The following KANK1 variants were observed in gnomAD, a reference collection of about 807,000 sequenced individuals.
KANK1 encodes the protein KN motif and ankyrin repeat domains 1, also known as KN motif and ankyrin repeat domain-containing protein 1.
In KANK1, 109 loss-of-function variants were observed where a neutral mutation model predicts 106.2. The ratio of observed to expected loss-of-function variants is 1.03; its 90% CI spans 0.88 to 1.20. The LOEUF (loss-of-function observed/expected upper bound fraction) is 1.20, where lower values mean the gene tolerates loss of function less well. Among genes scored for constraint, KANK1 ranks in the 50% most tolerant of loss-of-function variants. The pLI is 0.00. For missense variants in KANK1, 2,399 were observed against 1,710.7 expected (o/e 1.40, Z -7.10); for synonymous variants, 873 against 652.2 (o/e 1.34, Z -5.16).
chr9:609,677 T>C lies in KANK1; in HGVS notation c.-83-67213T>C, dbSNP rs542113037. Among the ~76,000 whole-genome samples the C allele has an allele frequency of 5.3e-5, 8 of 152,260 alleles. No homozygotes were observed. In the South Asian group the frequency reaches 1.7e-3, roughly 32 times the overall value. On this transcript the variant is annotated intron_variant, in intron 1 of 11. Coordinates refer to ENST00000382297, the MANE Select transcript of KANK1 (RefSeq NM_015158.5). ...AAATAATGAATAGACTCAATAGACA[T>C]TGATCCTGCTAACATATTTTGCCTT...
chr9:735,416 A>G (rs927390133), intron 7 of KANK1, among the ~76,000 whole-genome samples: 1 of 152,218 alleles, frequency 6.6e-6, no homozygotes, highest in Non-Finnish European at 1.5e-5. Flanking sequence ...ATGGTACAAC[A>G]TAGGACACAA....
At chr9:536,680 A>T (rs1194246204) in intron 1 of KANK1, among the ~76,000 whole-genome samples, 1 of 152,240 alleles carries the variant, frequency 6.6e-6, no homozygotes, top group African/African-American at 2.4e-5. Context: ...GTCCATCTAG[A>T]TAATCCAGGA....
At chr9:522,388 C>T (rs961562042) in intron 1 of KANK1, among the ~76,000 whole-genome samples, 1 of 151,704 alleles carries the variant, frequency 6.6e-6, no homozygotes, top group African/African-American at 2.4e-5. Flanking sequence ...CACATACACA[C>T]AGCTGGATAG....
At position 578,220 on chromosome 9, in the gene KANK1, T is replaced by C. The variant is rs184465726; in HGVS notation, c.-84+73466T>C. Among the ~76,000 whole-genome samples the C allele has an allele frequency of 2.7e-3, 409 of 152,310 alleles. 10 individuals carry two copies. Among genetic ancestry groups the C allele is most frequent in the Non-Finnish European group, 5.7e-4 (39 of 68,032 alleles). On this transcript the variant is annotated intron_variant, in intron 1 of 11. Coordinates refer to ENST00000382297, the MANE Select transcript of KANK1 (RefSeq NM_015158.5). ...AATCAGTAAAAGCATTCACCTTTTG[T>C]TTTATTTGCTTCAAACAAAGTAGGA...
intron 10 of KANK1, among the ~76,000 whole-genome samples, chr9:743,619 C>G (rs1301909438): frequency 6.6e-6 from 1 of 152,106 alleles, no homozygotes; most frequent in Non-Finnish European, 1.5e-5. Context: ...AATTCCAGCA[C>G]CTTGGGAGGC....
intron 4 of KANK1, chr9:730,517 C>A: frequency 2.4e-6 from 1 of 409,970 alleles, no homozygotes; most frequent in Non-Finnish European, 4.6e-6. Flanking sequence ...CATGGTGAAA[C>A]CCCATCTCTA....
rs75538310 is a variant in KANK1 at position 741,243 on chromosome 9, C to A, written c.3696+309C>A. On this transcript the variant is annotated intron_variant, in intron 9 of 11. Coordinates refer to ENST00000382297, the MANE Select transcript of KANK1 (RefSeq NM_015158.5). ...TGATTGCGCATCCCCATCAGATGCT[C>A]AGTGACTGTTGCTTCCTGTCTCTGT... 2.7e-3 allele frequency among the ~76,000 whole-genome samples: 382 copies of A among 139,882 alleles called. 3 individuals are homozygous for A. The highest frequency in any genetic ancestry group is 8.9e-3 in the African/African-American group (361 of 40,360). 91.8% of individuals were successfully genotyped at this position (139,882 alleles called of 152,430 possible). A position where few individuals can be genotyped will look rare whatever the true frequency, so the allele number is the denominator to read the frequency against.
rs768889835 is a variant in KANK1 at position 711,527 on chromosome 9, A to C, written c.761A>C (p.Asn254Thr). Residue 254 changes from asparagine (N) to threonine (T), a missense_variant, in exon 3 of 12, where the codon AAC (asparagine) becomes ACC (threonine). Physicochemically the swap from Asn to Thr is moderately conservative, Grantham distance 65. Transcript: ENST00000382297. ...LSSGISTPVTNVSPMHLQHIR... is the reference protein window; with the variant it reads ...LSSGISTPVTTVSPMHLQHIR... ...TCAGGGATCTCCACCCCAGTGACCAACGTGAGCCCCATGCACCTGCAGCAC... is the reference window on the plus strand; with the variant it reads ...TCAGGGATCTCCACCCCAGTGACCACCGTGAGCCCCATGCACCTGCAGCAC... The C allele has an allele frequency of 2.5e-6, 4 of 1,613,816 alleles. No individual in the cohort carries two copies. In the South Asian group the frequency reaches 4.4e-5, roughly 18 times the overall value.
At chr9:481,361 C>G (rs1247099519) in intron 3 of KANK1, among the ~76,000 whole-genome samples, 1 of 152,112 alleles carries the variant, frequency 6.6e-6, no homozygotes, top group South Asian at 2.1e-4. Context: ...AGGACGTGGC[C>G]TATGGATCAA....
rs1323726936 is a variant in KANK1, at chr9:745,819, T to G, written c.*584T>G. 6.5e-6 allele frequency: 1 copy of G among 152,674 alleles called. No individual in the cohort carries two copies. Among genetic ancestry groups the G allele is most frequent in the Non-Finnish European group, 1.5e-5 (1 of 68,060 alleles). 9.5% of individuals were successfully genotyped at this position (152,674 alleles called of 1,614,324 possible). On this transcript the variant is annotated 3_prime_UTR_variant, in exon 12 of 12. Transcript: ENST00000382297. Reference sequence around the variant, plus strand: ...TATGACTTTTTATAAAAAGGGTATCTATATGAACTTGACACAGTATTTTCA... The same window carrying G: ...TATGACTTTTTATAAAAAGGGTATCGATATGAACTTGACACAGTATTTTCA...
intron 2 of KANK1, among the ~76,000 whole-genome samples, chr9:691,611 A>ATTTTT (rs767618077): frequency 4.2e-5 from 3 of 71,080 alleles, no homozygotes; most frequent in African/African-American, 1.4e-4. Context: ...TAATACCAGA[A>ATTTTT]TTTTTTTTTT....
intron 3 of KANK1, among the ~76,000 whole-genome samples, chr9:478,873 A>G (rs984429060): frequency 6.6e-6 from 1 of 151,894 alleles, no homozygotes; most frequent in Non-Finnish European, 1.5e-5. Context: ...ACCCCATTAT[A>G]TGAAGAAGAC....
chr9:502,752 C>T (rs1003890597), upstream of KANK1, among the ~76,000 whole-genome samples: 1 of 152,120 alleles, frequency 6.6e-6, no homozygotes, highest in African/African-American at 2.4e-5. Flanking sequence ...TGTTGAACTC[C>T]TGGCCTCAAG....
intron 1 of KANK1, among the ~76,000 whole-genome samples, chr9:615,026 C>T (rs966469278): frequency 2.6e-5 from 4 of 151,926 alleles, no homozygotes; most frequent in Admixed American, 6.5e-5. Flanking sequence ...CTGCAGCCTC[C>T]GTTTCCTGGG....
chr9:662,255 G>C (rs1286760695), intron 1 of KANK1, among the ~76,000 whole-genome samples: 1 of 152,212 alleles, frequency 6.6e-6, no homozygotes, highest in South Asian at 2.1e-4. Flanking sequence ...TACTGCCCAA[G>C]GTAATTTATA....
At chr9:617,075 A>G (rs1336519409) in intron 1 of KANK1, among the ~76,000 whole-genome samples, 2 of 152,116 alleles carry the variant, frequency 1.3e-5, no homozygotes, top group African/African-American at 4.8e-5. Context: ...TTTTTTTTTA[A>G]TATACTACCG....
At chr9:502,902 T>C (rs1324203530), upstream of KANK1, among the ~76,000 whole-genome samples, 1 of 152,014 alleles carries the variant, frequency 6.6e-6, no homozygotes, top group Non-Finnish European at 1.5e-5. Context: ...TGGCTCAATC[T>C]CTGCTCACTG....
chr9:737,494 G>A (rs1252132188), intron 7 of KANK1, among the ~76,000 whole-genome samples: 3 of 152,210 alleles, frequency 2.0e-5, no homozygotes, highest in Admixed American at 6.5e-5. Context: ...CTCATCACCA[G>A]TACTGACTGC....
intron 1 of KANK1, among the ~76,000 whole-genome samples, chr9:633,908 C>G (rs550488648): frequency 2.9e-4 from 44 of 152,322 alleles, no homozygotes; most frequent in African/African-American, 1.0e-3. Flanking sequence ...GCCTCAGCCT[C>G]CCACAGTGCT....
Sources: gnomAD v4.1 joint callset for allele counts (sites outside exome capture counted in the v4.1 genomes callset) on GRCh38, gnomAD v4.1.1 for gene constraint, MANE v1.5 for transcripts, NCBI Gene and HGNC (gene_info 2026-07-23, HGNC 2026-07-21) for gene names.